ACAN: variants seen among roughly 807,000 people sequenced by gnomAD.
ACAN encodes the protein aggrecan core protein.
Under a neutral mutation model 169.1 loss-of-function variants are expected in ACAN, and 47 were observed. That is an observed-to-expected ratio of 0.28 (90% CI 0.22 to 0.35). The LOEUF (loss-of-function observed/expected upper bound fraction) is 0.35. Ranked by LOEUF, ACAN falls within the 10% of genes least tolerant of loss-of-function variation. The pLI is 1.00. For missense variants in ACAN, 2,716 were observed against 2,759.9 expected (o/e 0.98, Z 0.36); for synonymous variants, 1,115 against 1,112.2 (o/e 1.00, Z -0.05).
At chr15:88,852,965 G>A (rs544399609) in intron 11 of ACAN, among the ~76,000 whole-genome samples, 2 of 152,336 alleles carry the variant, frequency 1.3e-5, no homozygotes, top group South Asian at 4.1e-4. Context: ...GAGCAATTTG[G>A]TGGTGTCAGG....
Position 88,841,839 on chromosome 15 carries a change from T to C in ACAN, c.729T>C (p.Asp243=), listed in dbSNP as rs1223982172. 6.2e-7 allele frequency: 1 copy of C among 1,612,334 alleles called. No individual in the cohort carries two copies. The highest frequency in any genetic ancestry group is 1.7e-5 in the Admixed American group (1 of 59,774). Residue 243 remains aspartate (D), a synonymous_variant, in exon 5 of 19, where the codon GAT becomes GAC. Coordinates refer to ENST00000560601, the MANE Select transcript of ACAN (RefSeq NM_001369268.1). The part of the protein sequence containing the change: ...YGIRDTNETY[D]VYCFAEEMEG... ...TCCGAGACACCAACGAGACCTATGATGTGTACTGCTTCGCCGAGGAGATGG... is the reference window on the plus strand; with the variant it reads ...TCCGAGACACCAACGAGACCTATGACGTGTACTGCTTCGCCGAGGAGATGG...
At position 88,849,528 on chromosome 15, in the gene ACAN, C is replaced by G; in HGVS notation, c.1823C>G (p.Thr608Arg). The change falls in exon 10 of 19, where the codon ACG (threonine) becomes AGG (arginine). Residue 608 changes from threonine (T) to arginine (R), a missense_variant. Coordinates refer to ENST00000560601, the MANE Select transcript of ACAN (RefSeq NM_001369268.1). The surrounding 1 kb of genome is among the most constrained non-coding windows in gnomAD (Gnocchi z 5.1). Reference sequence around the variant, plus strand: ...TCTCACAATGCTACGCTGGCCACCACGGGCCAGCTCTACGCCGCCTGGAGC... The same window carrying G: ...TCTCACAATGCTACGCTGGCCACCAGGGGCCAGCTCTACGCCGCCTGGAGC... Reference protein sequence around the residue: ...CESHNATLATTGQLYAAWSRG... With the variant: ...CESHNATLATRGQLYAAWSRG... 6.2e-7 allele frequency: 1 copy of G among 1,606,340 alleles called. No individual in the cohort carries two copies. Among genetic ancestry groups the G allele is most frequent in the Non-Finnish European group, 8.5e-7 (1 of 1,176,624 alleles).
At chr15:88,834,485 G>A (rs948173378) in intron 1 of ACAN, among the ~76,000 whole-genome samples, 5 of 152,190 alleles carry the variant, frequency 3.3e-5, no homozygotes, top group Admixed American at 1.3e-4. Flanking sequence ...AGCCCCAGCC[G>A]GCGGTGACTG....
intron 1 of ACAN, among the ~76,000 whole-genome samples, chr15:88,827,150 CACTGT>C (rs1896244062): frequency 6.6e-6 from 1 of 152,130 alleles, no homozygotes; most frequent in Non-Finnish European, 1.5e-5. Flanking sequence ...ATAAAATGCC[CACTGT>C]TGCCTGAAGA....
Position 88,838,832 on chromosome 15 carries a change from G to C in ACAN, c.240G>C (p.Lys80Asn). The change falls in exon 3 of 19, where the codon AAG (lysine) becomes AAC (asparagine). Residue 80 changes from lysine (K) to asparagine (N), a missense_variant. Coordinates refer to ENST00000560601, the MANE Select transcript of ACAN (RefSeq NM_001369268.1). This position sits in a 1 kb window ranked among gnomAD's most constrained non-coding sequence, Gnocchi z 5.1. The part of the protein sequence containing the change: ...APRIKWSRVS[K>N]EKEVVLLVAT... ...GAATCAAGTGGAGCCGTGTGTCCAA[G>C]GAGAAGGAGGTAGTGCTGCTGGTGG... is the stretch of plus-strand genomic sequence containing the variant. 6.8e-6 allele frequency: 11 copies of C among 1,614,030 alleles called. No homozygotes were observed. The highest frequency in any genetic ancestry group is 8.5e-6 in the Non-Finnish European group (10 of 1,179,902).
In ACAN at chr15:88,843,519, C is replaced by T. The variant is rs1294296622; in HGVS notation, c.922C>T (p.Arg308Cys). The T allele has an allele frequency of 5.0e-6, 8 of 1,612,570 alleles. No homozygotes were observed. The highest frequency in any genetic ancestry group is 2.2e-5 in the East Asian group (1 of 44,866). Residue 308 changes from arginine (R) to cysteine (C), a missense_variant, in exon 6 of 19, where the codon CGC (arginine) becomes TGC (cysteine). Arg to Cys is a radical substitution (Grantham distance 180, BLOSUM62 -3). Around this residue, in one of 3 missense-constraint regions of ACAN, gnomAD observed 1,283 missense variants for 1,281.5 expected, o/e 1.00. Coordinates refer to ENST00000560601, the MANE Select transcript of ACAN (RefSeq NM_001369268.1). This position sits in a 1 kb window ranked among gnomAD's most constrained non-coding sequence, Gnocchi z 4.0. ...SAGWLADRSV[R>C]YPISKARPNC... ...CGGCTGGCTGGCCGACCGCAGCGTG[C>T]GCTACCCCATCTCCAAGGCCCGGCC...
At chr15:88,829,141 G>A (rs906544326) in intron 1 of ACAN, among the ~76,000 whole-genome samples, 1 of 152,144 alleles carries the variant, frequency 6.6e-6, no homozygotes, top group African/African-American at 2.4e-5. Context: ...AGTGATGACA[G>A]AGCAAGTAAC....
At position 88,849,254 on chromosome 15, in the gene ACAN, G is replaced by A. The variant is rs1047942874; in HGVS notation, c.1733-184G>A. The stretch of plus-strand genomic sequence containing the variant: ...ACCCCAGTCCAGTACAAACCAGAGC[G>A]GTGGTCACCTATTTCCCAGGGTCCC... On this transcript the variant is annotated intron_variant, in intron 9 of 18. Coordinates refer to ENST00000560601, the MANE Select transcript of ACAN (RefSeq NM_001369268.1). The surrounding 1 kb of genome is among the most constrained non-coding windows in gnomAD (Gnocchi z 5.1). Among the ~76,000 whole-genome samples, 2 of 152,174 alleles carry A rather than the reference G, an allele frequency of 1.3e-5. No individual in the cohort carries two copies. Among genetic ancestry groups the A allele is most frequent in the Non-Finnish European group, 2.9e-5 (2 of 68,030 alleles).
At position 88,811,515 on chromosome 15, in the gene ACAN, C is replaced by T. The variant is rs1013833877; in HGVS notation, c.-8+7706C>T. 3.3e-5 allele frequency among the ~76,000 whole-genome samples: 5 copies of T among 152,308 alleles called. No individual in the cohort carries two copies. In the East Asian group the frequency reaches 7.7e-4, roughly 24 times the overall value. ...CTGTAACCTTCCCTCTAAAGGCTGG[C>T]CATGCTGGGTACTCATTTTCTTCCT... On this transcript the variant is annotated intron_variant, in intron 1 of 18. Transcript: ENST00000560601.
chr15:88,853,089 C>A (rs1896966264), intron 11 of ACAN, among the ~76,000 whole-genome samples: 1 of 152,196 alleles, frequency 6.6e-6, no homozygotes, highest in South Asian at 2.1e-4. Context: ...AGCAGCCACA[C>A]CTGCCTGTGA....
chr15:88,803,985 A>C (rs1895610352), intron 1 of ACAN, among the ~76,000 whole-genome samples, 176 bp downstream of exon 1: 1 of 152,176 alleles, frequency 6.6e-6, no homozygotes, highest in Admixed American at 6.5e-5. Context: ...GGAGTTGAGC[A>C]AACTTTTTGG....
chr15:88,832,333 G>A (rs1032851632), intron 1 of ACAN, among the ~76,000 whole-genome samples: 4 of 151,300 alleles, frequency 2.6e-5, no homozygotes, highest in African/African-American at 9.7e-5. Flanking sequence ...AGAATGGCCA[G>A]GTACCATGGC....
intron 1 of ACAN, among the ~76,000 whole-genome samples, chr15:88,804,437 A>T (rs917926506): frequency 1.3e-5 from 2 of 152,154 alleles, no homozygotes; most frequent in African/African-American, 2.4e-5. Context: ...GGACAGAGCT[A>T]CTGAACTGCC....
chr15:88,821,592 A>G (rs1272810432), intron 1 of ACAN, among the ~76,000 whole-genome samples: 1 of 152,214 alleles, frequency 6.6e-6, no homozygotes, highest in East Asian at 1.9e-4. Flanking sequence ...AAAGAGGAGG[A>G]AAGGCAAGAA....
chr15:88,867,104 C>G (rs145071410), intron 13 of ACAN, among the ~76,000 whole-genome samples: 1 of 152,150 alleles, frequency 6.6e-6, no homozygotes, highest in Non-Finnish European at 1.5e-5. Context: ...ACAGCAGGAA[C>G]CTTTGAAGTA....
chr15:88,805,542 G>C (rs1895657493), intron 1 of ACAN, among the ~76,000 whole-genome samples: 1 of 152,100 alleles, frequency 6.6e-6, no homozygotes, highest in African/African-American at 2.4e-5. Flanking sequence ...GCTGTGCCTG[G>C]TATTTTCATT....
intron 9 of ACAN, among the ~76,000 whole-genome samples, chr15:88,848,567 T>C (rs929762192): frequency 5.3e-5 from 8 of 152,230 alleles, no homozygotes; most frequent in African/African-American, 1.7e-4. Context: ...TCTCTACTTA[T>C]TTAAAAAGAA....
rs1262889670 is a variant in ACAN at position 88,814,423 on chromosome 15, T to C, written c.-8+10614T>C. ...GCTGCTTTTCTGCCTACTTATGCTC[T>C]TAAGATAGTCTTACCATCCTGGAGC... is the stretch of plus-strand genomic sequence containing the variant. On this transcript the variant is annotated intron_variant, in intron 1 of 18. Coordinates refer to ENST00000560601, the MANE Select transcript of ACAN (RefSeq NM_001369268.1). This position sits in a 1 kb window ranked among gnomAD's most constrained non-coding sequence, Gnocchi z 4.0. 6.6e-6 allele frequency among the ~76,000 whole-genome samples: 1 copy of C among 152,196 alleles called. No homozygotes were observed. Among genetic ancestry groups the C allele is most frequent in the Non-Finnish European group, 1.5e-5 (1 of 68,020 alleles).
At chr15:88,852,341 C>G (rs763302238) in intron 11 of ACAN, among the ~76,000 whole-genome samples, 2 of 152,212 alleles carry the variant, frequency 1.3e-5, no homozygotes, top group Non-Finnish European at 2.9e-5. Context: ...CCCTCAGTTA[C>G]CTTGTCCTCC....
Sources: allele counts gnomAD v4.1 joint callset (sites outside exome capture counted in the v4.1 genomes callset), GRCh38; gene constraint gnomAD v4.1.1; regional missense constraint gnomAD v4.1.1; non-coding constraint Gnocchi (gnomAD v3.1); transcripts MANE v1.5; gene names NCBI Gene and HGNC (gene_info 2026-07-23, HGNC 2026-07-21).